Variants in FOXO1 observed in about 807,000 individuals in gnomAD.
FOXO1 encodes forkhead box protein O1.
A neutral mutation model predicts 44.1 loss-of-function variants in FOXO1; 6 were observed. The observed-to-expected ratio is 0.14, with a 90% CI of 0.07 to 0.27. FOXO1 has a LOEUF of 0.27. FOXO1 is among the 10% of genes least tolerant of loss of function. The probability of loss-of-function intolerance (pLI) is 1.00; values close to 1 mark genes in which losing one functional copy is unlikely to be tolerated. For missense variants in FOXO1, 737 were observed against 888.8 expected (o/e 0.83, Z 2.17); for synonymous variants, 380 against 362.7 (o/e 1.05, Z -0.54).
chr13:40,558,731 C>T lies in FOXO1; in HGVS notation c.*318G>A, dbSNP rs1873854923. 1 of 398,154 alleles carries T rather than the reference C, an allele frequency of 2.5e-6. No homozygotes were observed. Among genetic ancestry groups the T allele is most frequent in the South Asian group, 1.3e-4 (1 of 7,552 alleles). The allele number at this position is 398,154 out of a possible 1,614,324, so 24.7% of individuals were successfully genotyped here. A position where few individuals can be genotyped will look rare whatever the true frequency, so the allele number is the denominator to read the frequency against. ...ACTGCTTATATACAAAACTTGAAAG[C>T]ACACCAGGATCTGAAAATCTTTTCT... On this transcript the variant is annotated 3_prime_UTR_variant, in exon 3 of 3. Transcript: ENST00000379561.
chr13:40,593,084 C>G (rs781628041), intron 1 of FOXO1, among the ~76,000 whole-genome samples: 1 of 152,094 alleles, frequency 6.6e-6, no homozygotes, highest in Non-Finnish European at 1.5e-5. Flanking sequence ...AGTGCAGTGG[C>G]GTGATCATTG....
intron 1 of FOXO1, among the ~76,000 whole-genome samples, chr13:40,573,756 G>A (rs1241661386): frequency 6.6e-6 from 1 of 152,154 alleles, no homozygotes; most frequent in Non-Finnish European, 1.5e-5. Context: ...GGAAGTTATC[G>A]ACATCATTTT....
chr13:40,592,583 A>G lies in FOXO1; in HGVS notation c.631-31723T>C, dbSNP rs573162291. 2.4e-3 allele frequency among the ~76,000 whole-genome samples: 371 copies of G among 152,352 alleles called. 2 individuals are homozygous for G. Among genetic ancestry groups the G allele is most frequent in the African/African-American group, 8.6e-3 (358 of 41,582 alleles). ...CCTCTCCTGCCTCTTGGAGGAACAC[A>G]ACCAGAACTACAGCATCAGGTTAAC... On this transcript the variant is annotated intron_variant, in intron 1 of 2. Transcript: ENST00000379561.
At chr13:40,653,901 A>G (rs1877766948) in intron 1 of FOXO1, among the ~76,000 whole-genome samples, 1 of 152,210 alleles carries the variant, frequency 6.6e-6, no homozygotes, top group Non-Finnish European at 1.5e-5. Context: ...TCATATCTCT[A>G]ACATAGTAAG....
At chr13:40,603,912 T>C (rs1875901498) in intron 1 of FOXO1, among the ~76,000 whole-genome samples, 1 of 152,240 alleles carries the variant, frequency 6.6e-6, no homozygotes, top group Admixed American at 6.5e-5. Context: ...ACTACTGTAC[T>C]AGAGCTTAGC....
At chr13:40,605,048 T>C (rs1226906165) in intron 1 of FOXO1, among the ~76,000 whole-genome samples, 2 of 151,896 alleles carry the variant, frequency 1.3e-5, no homozygotes, top group Non-Finnish European at 2.9e-5. Context: ...TTAGTGATGT[T>C]CTTTATCATT....
At chr13:40,621,273 C>T (rs1029332663) in intron 1 of FOXO1, 30 of 801,850 alleles carry the variant, frequency 3.7e-5, no homozygotes, top group African/African-American at 1.8e-5. Flanking sequence ...TTGTACTGAC[C>T]GATGGCTCTC....
chr13:40,593,271 G>A (rs1875451863), intron 1 of FOXO1, among the ~76,000 whole-genome samples: 2 of 152,002 alleles, frequency 1.3e-5, no homozygotes, highest in East Asian at 1.9e-4. Context: ...CAAGTGATCC[G>A]CCCACAATGG....
At chr13:40,586,000 T>C (rs1368304342) in intron 1 of FOXO1, among the ~76,000 whole-genome samples, 1 of 152,196 alleles carries the variant, frequency 6.6e-6, no homozygotes, top group Non-Finnish European at 1.5e-5. Context: ...TCATTTCCCA[T>C]ATATGGCCAA....
At position 40,560,756 on chromosome 13, in the gene FOXO1, C is replaced by T; in HGVS notation, c.735G>A (p.Lys245=). 2 of 1,614,240 alleles carry T rather than the reference C, an allele frequency of 1.2e-6. No homozygotes were observed. The highest frequency in any genetic ancestry group is 2.7e-5 in the African/African-American group (2 of 75,052). ...CTCTTCTCCTAGGAGATTTCCCGCT[C>T]TTGCCACCCTCTGGATTGAGCATCC... The part of the protein sequence containing the change: ...SWWMLNPEGG[K]SGKSPRRRAA... The change falls in exon 2 of 3, where the codon AAG becomes AAA. Residue 245 remains lysine (K), a synonymous_variant. Transcript: ENST00000379561. The surrounding 1 kb of genome is among the most constrained non-coding windows in gnomAD (Gnocchi z 5.1).
At chr13:40,622,283 T>C (rs1876640408) in intron 1 of FOXO1, among the ~76,000 whole-genome samples, 1 of 152,244 alleles carries the variant, frequency 6.6e-6, no homozygotes, top group Non-Finnish European at 1.5e-5. Context: ...TAAGTTCACT[T>C]GGAGGCTAAA....
chr13:40,616,996 C>T (rs1395000037), intron 1 of FOXO1, among the ~76,000 whole-genome samples: 2 of 152,126 alleles, frequency 1.3e-5, no homozygotes, highest in African/African-American at 4.8e-5. Context: ...ACAAAACCTG[C>T]CCACACCCGC....
chr13:40,604,988 T>TA (rs920162943), intron 1 of FOXO1, among the ~76,000 whole-genome samples: 5 of 152,230 alleles, frequency 3.3e-5, no homozygotes, highest in African/African-American at 1.2e-4. Context: ...TTCCAGAATT[T>TA]AAAAACTGGT....
In FOXO1 at chr13:40,557,173, G is replaced by A. The variant is rs1009275021; in HGVS notation, c.*1876C>T. 2.6e-5 allele frequency: 4 copies of A among 152,202 alleles called. No individual in the cohort carries two copies. The highest frequency in any genetic ancestry group is 1.3e-4 in the Admixed American group (2 of 15,290). 9.4% of individuals were successfully genotyped at this position (152,202 alleles called of 1,614,324 possible). ...AATTAACATACAAGACAAAGCAAGT[G>A]TGATGTGGGCTATATACAGAAAAAT... On this transcript the variant is annotated 3_prime_UTR_variant, in exon 3 of 3. Coordinates refer to ENST00000379561, the MANE Select transcript of FOXO1 (RefSeq NM_002015.4).
intron 1 of FOXO1, among the ~76,000 whole-genome samples, chr13:40,655,084 C>T (rs970792252): frequency 6.6e-6 from 1 of 152,026 alleles, no homozygotes; most frequent in African/African-American, 2.4e-5. Flanking sequence ...GCCAGTGATC[C>T]CAGCACTTTG....
At chr13:40,568,775 T>G (rs1272102962) in intron 1 of FOXO1, among the ~76,000 whole-genome samples, 2 of 151,616 alleles carry the variant, frequency 1.3e-5, no homozygotes, top group African/African-American at 4.8e-5. Flanking sequence ...TGTGCAGAGG[T>G]CTTAAAGCAT....
chr13:40,610,297 G>C (rs1382741025), intron 1 of FOXO1, among the ~76,000 whole-genome samples: 1 of 152,142 alleles, frequency 6.6e-6, no homozygotes, highest in Non-Finnish European at 1.5e-5. Flanking sequence ...TGGTAATTAT[G>C]ATGAGGCATC....
intron 1 of FOXO1, among the ~76,000 whole-genome samples, chr13:40,609,005 C>A (rs955392449): frequency 6.6e-6 from 1 of 152,156 alleles, no homozygotes; most frequent in Non-Finnish European, 1.5e-5. Context: ...TGTTAAAATA[C>A]AATGACTTTT....
At chr13:40,573,338 A>G (rs147774489) in intron 1 of FOXO1, among the ~76,000 whole-genome samples, 3 of 152,218 alleles carry the variant, frequency 2.0e-5, no homozygotes, top group African/African-American at 7.2e-5. Context: ...AAGCCAGCCC[A>G]GGAAGAATGT....
Sources: gnomAD v4.1 joint callset for allele counts (sites outside exome capture counted in the v4.1 genomes callset) on GRCh38, gnomAD v4.1.1 for gene constraint, Gnocchi (gnomAD v3.1) non-coding constraint, MANE v1.5 for transcripts, NCBI Gene and HGNC (gene_info 2026-07-23, HGNC 2026-07-21) for gene names.